The following TRIM24 variants were observed in gnomAD, a reference collection of about 807,000 sequenced individuals.
The protein encoded by TRIM24 is tripartite motif containing 24, also known as transcription intermediary factor 1-alpha.
In TRIM24, 29 loss-of-function variants were observed where a neutral mutation model predicts 123.9. The observed-to-expected ratio is 0.23, with a 90% CI of 0.17 to 0.32. The LOEUF (loss-of-function observed/expected upper bound fraction) is 0.32, where lower values mean the gene tolerates loss of function less well. TRIM24 is among the 10% of genes least tolerant of loss of function. TRIM24 has a pLI of 1.00. For synonymous variants in TRIM24, 456 were observed against 461.1 expected (o/e 0.99, Z 0.14); for missense variants, 932 against 1,295.3 (o/e 0.72, Z 4.31).
chr7:138,534,682 T>C (rs1433497189), intron 6 of TRIM24, among the ~76,000 whole-genome samples: 1 of 152,232 alleles, frequency 6.6e-6, no homozygotes, highest in Non-Finnish European at 1.5e-5. Flanking sequence ...GAGAAGAATG[T>C]ATATTCTGTT....
intron 1 of TRIM24, among the ~76,000 whole-genome samples, chr7:138,499,818 TC>T (rs956461599): frequency 1.3e-5 from 2 of 152,096 alleles, no homozygotes; most frequent in African/African-American, 4.8e-5. Context: ...TTTTTTTTTT[TC>T]CTTTAACCTC....
chr7:138,460,479 G>C lies in TRIM24; in HGVS notation c.-70G>C. On this transcript the variant is annotated 5_prime_UTR_variant, in exon 1 of 19. Coordinates refer to ENST00000343526, the MANE Select transcript of TRIM24 (RefSeq NM_015905.3). Reference sequence around the variant, plus strand: ...CCTCTGAGGAGCAGCCGCAGGAGGAGGAGGAGGTCGTCGGGGGCGGCGGGC... The same window carrying C: ...CCTCTGAGGAGCAGCCGCAGGAGGACGAGGAGGTCGTCGGGGGCGGCGGGC... 3 of 1,251,756 alleles carry C rather than the reference G, an allele frequency of 2.4e-6. No homozygotes were observed. Among genetic ancestry groups the C allele is most frequent in the Non-Finnish European group, 3.0e-6 (3 of 999,872 alleles). 77.5% of individuals were successfully genotyped at this position (1,251,756 alleles called of 1,614,324 possible). A position where few individuals can be genotyped will look rare whatever the true frequency, so the allele number is the denominator to read the frequency against.
intron 7 of TRIM24, among the ~76,000 whole-genome samples, chr7:138,547,973 G>A (rs1016401145): frequency 2.8e-4 from 43 of 152,138 alleles, no homozygotes; most frequent in African/African-American, 1.0e-3. Flanking sequence ...TATAGCCAAC[G>A]GGATTTGCCG....
intron 1 of TRIM24, among the ~76,000 whole-genome samples, chr7:138,463,028 TC>T (rs1795042469): frequency 7.0e-6 from 1 of 142,080 alleles, no homozygotes; most frequent in Non-Finnish European, 1.5e-5. Flanking sequence ...CGCCACCACG[TC>T]CGGCTAATTT....
intron 1 of TRIM24, among the ~76,000 whole-genome samples, chr7:138,496,464 G>A (rs986828600): frequency 7.9e-5 from 12 of 151,990 alleles, no homozygotes; most frequent in Non-Finnish European, 1.0e-4. Flanking sequence ...AAACAGTTCC[G>A]AACAGAAGTG....
chr7:138,484,688 C>T lies in TRIM24; in HGVS notation c.365-19602C>T, dbSNP rs534825623. Among the ~76,000 whole-genome samples the T allele has an allele frequency of 3.9e-5, 6 of 152,002 alleles. No individual in the cohort carries two copies. The South Asian group carries it at 6.2e-4, about 16-fold the overall frequency. ...TTATGAATTTTTTTGTAGAGTTAGGCGAACTTCATAAAATGAATTACAGAG... is the reference window on the plus strand; with the variant it reads ...TTATGAATTTTTTTGTAGAGTTAGGTGAACTTCATAAAATGAATTACAGAG... On this transcript the variant is annotated intron_variant, in intron 1 of 18. Transcript: ENST00000343526.
intron 7 of TRIM24, among the ~76,000 whole-genome samples, chr7:138,544,992 A>G (rs1797072062): frequency 6.6e-6 from 1 of 152,234 alleles, no homozygotes; most frequent in African/African-American, 2.4e-5. Flanking sequence ...AATTACACAC[A>G]TAAGAATTGA....
chr7:138,549,758 T>G (rs1192157744), intron 7 of TRIM24, among the ~76,000 whole-genome samples: 2 of 152,048 alleles, frequency 1.3e-5, no homozygotes, highest in African/African-American at 4.8e-5. Flanking sequence ...CAAAGCATAT[T>G]TATATGTTGA....
intron 1 of TRIM24, among the ~76,000 whole-genome samples, chr7:138,502,004 G>A (rs1218727477): frequency 1.3e-5 from 2 of 152,140 alleles, no homozygotes. Context: ...GTACATCTGG[G>A]GCTTGGGAAT....
rs992151755 is a variant in TRIM24, at chr7:138,551,047, C to T, written c.1144-16C>T. 6.2e-7 allele frequency: 1 copy of T among 1,604,150 alleles called. No homozygotes were observed. Among genetic ancestry groups the T allele is most frequent in the African/African-American group, 1.3e-5 (1 of 74,662 alleles). ...TTATTTGCCTAATATTTAGTTATCT[C>T]TCCTTTTTCTTCTAGATTACATACC... On this transcript the variant is annotated splice_polypyrimidine_tract_variant and intron_variant, in intron 7 of 18. Coordinates refer to ENST00000343526, the MANE Select transcript of TRIM24 (RefSeq NM_015905.3).
At chr7:138,561,773 C>T (rs893850205) in intron 9 of TRIM24, among the ~76,000 whole-genome samples, 56 of 152,310 alleles carry the variant, frequency 3.7e-4, no homozygotes, top group African/African-American at 9.4e-4. Context: ...GGCAATCCTA[C>T]GGCTGGGGCC....
chr7:138,569,753 T>G (rs1399889795), intron 10 of TRIM24, among the ~76,000 whole-genome samples: 1 of 152,212 alleles, frequency 6.6e-6, no homozygotes. Context: ...TCAGACATTT[T>G]ATATAGTGCT....
intron 1 of TRIM24, among the ~76,000 whole-genome samples, chr7:138,499,192 A>G (rs180897507): frequency 3.3e-5 from 5 of 151,942 alleles, no homozygotes; most frequent in Admixed American, 1.3e-4. Context: ...TAACCCCTTT[A>G]TCATGTTCTC....
At chr7:138,505,113 T>G (rs1277433876) in intron 2 of TRIM24, among the ~76,000 whole-genome samples, 1 of 152,136 alleles carries the variant, frequency 6.6e-6, no homozygotes, top group African/African-American at 2.4e-5. Context: ...ATCTCTAAAA[T>G]AAAAGGAGCC....
intron 9 of TRIM24, among the ~76,000 whole-genome samples, chr7:138,555,400 G>A (rs1797295071): frequency 6.6e-6 from 1 of 151,838 alleles, no homozygotes; most frequent in East Asian, 1.9e-4. Context: ...GGGCAGAAGT[G>A]TGATTCATTA....
chr7:138,517,062 T>C (rs1796413274), intron 3 of TRIM24, among the ~76,000 whole-genome samples: 1 of 151,436 alleles, frequency 6.6e-6, no homozygotes, highest in Non-Finnish European at 1.5e-5. Flanking sequence ...CTGTGATAAT[T>C]GCCATTACAC....
At chr7:138,476,024 G>A (rs531898321) in intron 1 of TRIM24, among the ~76,000 whole-genome samples, 3 of 152,220 alleles carry the variant, frequency 2.0e-5, no homozygotes, top group South Asian at 4.2e-4. Flanking sequence ...GTTATTGGGT[G>A]CATGGATATT....
In TRIM24 at chr7:138,485,134, G is replaced by A. The variant is rs187432263; in HGVS notation, c.365-19156G>A. 4.0e-4 allele frequency among the ~76,000 whole-genome samples: 61 copies of A among 151,438 alleles called. No homozygotes were observed. In the South Asian group the frequency reaches 0.012, roughly 29 times the overall value. ...GTTTCTTTGAAAAAATACATTAATC[G>A]TTCTGTTTCATTTTATTAATTTCCT... On this transcript the variant is annotated intron_variant, in intron 1 of 18. Transcript: ENST00000343526.
At position 138,551,108 on chromosome 7, in the gene TRIM24, T is replaced by C; in HGVS notation, c.1189T>C (p.Ser397Pro). 1.2e-6 allele frequency: 2 copies of C among 1,613,882 alleles called. No homozygotes were observed. Among genetic ancestry groups the C allele is most frequent in the South Asian group, 2.2e-5 (2 of 91,072 alleles). ...CCTCCTTCGTGCAAGGTGTGATGCA[T>C]CCCCAGTGACCAACAACACCATCCA... Reference protein sequence around the residue: ...RHLLRARCDASPVTNNTIQFH... With the variant: ...RHLLRARCDAPPVTNNTIQFH... The change falls in exon 8 of 19, where the codon TCC becomes CCC. Residue 397 changes from serine (S) to proline (P), a missense_variant. By Grantham distance (74) the Ser-to-Pro change is moderately conservative. Coordinates refer to ENST00000343526, the MANE Select transcript of TRIM24 (RefSeq NM_015905.3).
Sources: allele counts gnomAD v4.1 joint callset (sites outside exome capture counted in the v4.1 genomes callset), GRCh38; gene constraint gnomAD v4.1.1; transcripts MANE v1.5; gene names NCBI Gene and HGNC (gene_info 2026-07-23, HGNC 2026-07-21).